Variants in NFKBIZ observed in about 807,000 individuals in gnomAD.
NFKBIZ encodes the protein NF-kappa-B inhibitor zeta.
In NFKBIZ, 19 loss-of-function variants were observed where a neutral mutation model predicts 76.8. The ratio of observed to expected loss-of-function variants is 0.25; its 90% CI spans 0.17 to 0.36. The LOEUF (loss-of-function observed/expected upper bound fraction) is 0.36, where lower values mean the gene tolerates loss of function less well. Among genes scored for constraint, NFKBIZ ranks in the 10% least tolerant of loss-of-function variants. The pLI is 1.00. For missense variants in NFKBIZ, 829 were observed against 910.9 expected, an observed-to-expected ratio of 0.91 and a Z score of 1.16; for synonymous variants, 368 against 354.8, an observed-to-expected ratio of 1.04 and a Z score of -0.42.
intron 2 of NFKBIZ, among the ~76,000 whole-genome samples, chr3:101,839,082 A>C (rs552201493): frequency 6.6e-6 from 1 of 152,212 alleles, no homozygotes; most frequent in Non-Finnish European, 1.5e-5. Context: ...TATATGTTAC[A>C]TATGATATAA....
chr3:101,852,948 C>T lies in NFKBIZ; in HGVS notation c.523C>T (p.Pro175Ser). The change falls in exon 4 of 12, where the codon CCT becomes TCT. Residue 175 changes from proline to serine, a missense_variant. By Grantham distance (74) the Pro-to-Ser change is moderately conservative. Transcript: ENST00000326172. Reference protein sequence around the residue: ...RKGPDSLSDGPACKRPALLHS... With the variant: ...RKGPDSLSDGSACKRPALLHS... Reference sequence around the variant, plus strand: ...AGGGCCCGATTCGTTGTCTGATGGACCTGCTTGCAAAAGGCCAGCTCTGTT... The same window carrying T: ...AGGGCCCGATTCGTTGTCTGATGGATCTGCTTGCAAAAGGCCAGCTCTGTT... 6.2e-7 allele frequency: 1 copy of T among 1,614,144 alleles called. No individual in the cohort carries two copies. The highest frequency in any genetic ancestry group is 8.5e-7 in the Non-Finnish European group (1 of 1,180,036).
chr3:101,855,773 T>G lies in NFKBIZ; in HGVS notation c.1695T>G (p.Ala565=), dbSNP rs1429194225. ...ACTGTGCAGTCATAGCCCACAATGC[T>G]GTGGTCCATGAACTCCAGAGAAATC... The part of the protein sequence containing the change: ...PLHCAVIAHN[A]VVHELQRNQQ... The change falls in exon 9 of 12, where the codon GCT becomes GCG. Residue 565 remains alanine (A), a synonymous_variant. Transcript: ENST00000326172. The G allele has an allele frequency of 6.2e-7, 1 of 1,613,374 alleles. No homozygotes were observed. Among genetic ancestry groups the G allele is most frequent in the Non-Finnish European group, 8.5e-7 (1 of 1,179,792 alleles).
intron 2 of NFKBIZ, among the ~76,000 whole-genome samples, chr3:101,835,097 G>A (rs1233332414): frequency 6.6e-6 from 1 of 152,182 alleles, no homozygotes; most frequent in Non-Finnish European, 1.5e-5. Context: ...GTTGTGCTAG[G>A]CATCTCATGA....
rs575869651 is a variant in NFKBIZ, at chr3:101,831,683, A to G, written c.-12+1995A>G. 2.0e-5 allele frequency among the ~76,000 whole-genome samples: 3 copies of G among 147,318 alleles called. No individual in the cohort carries two copies. In the Admixed American group the frequency reaches 2.1e-4, roughly 10 times the overall value. On this transcript the variant is annotated intron_variant, in intron 2 of 12. Coordinates refer to the NFKBIZ transcript ENST00000394054. ...GATACAGAATCTCCCTCTGTCGCCC[A>G]TGGTTGGAGTGCAGTAGCCCCTTCT... is the stretch of plus-strand genomic sequence containing the variant.
chr3:101,843,434 C>T (rs1291982440), intron 2 of NFKBIZ, among the ~76,000 whole-genome samples: 1 of 152,018 alleles, frequency 6.6e-6, no homozygotes, highest in African/African-American at 2.4e-5. Context: ...CAGAGTGAAA[C>T]CCTGTCTCTT....
rs1255020548 is a variant in NFKBIZ, at chr3:101,849,691, C to A, written c.63C>A (p.Gly21=). 1 of 1,388,420 alleles carries A rather than the reference C, an allele frequency of 7.2e-7. No homozygotes were observed. The highest frequency in any genetic ancestry group is 1.6e-5 in the South Asian group (1 of 61,762). The allele number at this position is 1,388,420 out of a possible 1,614,324, so 86.0% of individuals were successfully genotyped here. Residue 21 remains glycine (G), a synonymous_variant, in exon 1 of 12, where the codon GGC becomes GGA. Transcript: ENST00000326172. ...RGGEGLRDAA[G]GCGLMTSPLN... is the part of the protein sequence containing the mutation. The stretch of plus-strand genomic sequence containing the variant: ...GAGAGGGGCTGCGGGACGCGGCGGG[C>A]GGCTGCGGCCTCATGACCAGCCCGC...
At chr3:101,855,302 C>T in intron 7 of NFKBIZ, 93 bp from the exon 8 acceptor site, 2 of 1,603,160 alleles carry the variant, frequency 1.2e-6, no homozygotes, top group Non-Finnish European at 1.7e-6. Context: ...TTGCAATGAT[C>T]TATTTTGAGT....
At chr3:101,837,514 GA>G (rs1560083096) in intron 2 of NFKBIZ, among the ~76,000 whole-genome samples, 5 of 141,506 alleles carry the variant, frequency 3.5e-5, no homozygotes, top group South Asian at 4.4e-4. Context: ...AAAAAGAAAA[GA>G]AAAAAGAAAA....
chr3:101,856,053 A>AT, intron 9 of NFKBIZ, 151 bp downstream of exon 9: 2 of 649,304 alleles, frequency 3.1e-6, no homozygotes, highest in Non-Finnish European at 4.8e-6. Context: ...AGAAGCCCAG[A>AT]ATTTTTTTTT....
At chr3:101,850,200 T>C (rs1186525225) in intron 1 of NFKBIZ, 2 of 370,818 alleles carry the variant, frequency 5.4e-6, no homozygotes, top group East Asian at 8.3e-5. Context: ...AGGAGATCGC[T>C]CGCTCTCTAA....
chr3:101,834,105 G>A (rs1009687166), intron 2 of NFKBIZ, among the ~76,000 whole-genome samples: 1 of 152,172 alleles, frequency 6.6e-6, no homozygotes, highest in Non-Finnish European at 1.5e-5. Context: ...CCCAATCAGA[G>A]TGCAGATAAG....
rs1942913364 is a variant in NFKBIZ at position 101,849,560 on chromosome 3, C to T, written c.-69C>T. On this transcript the variant is annotated 5_prime_UTR_variant, in exon 1 of 12. Coordinates refer to ENST00000326172, the MANE Select transcript of NFKBIZ (RefSeq NM_031419.4). ...CCGCCGACAGCTCCCTGAGCCAGCC[C>T]GGGAGGCAGCCGCGCGCAGCGAGCC... is the stretch of plus-strand genomic sequence containing the variant. The T allele has an allele frequency of 3.9e-6, 5 of 1,268,266 alleles. No individual in the cohort carries two copies. In the East Asian group the frequency reaches 9.6e-5, roughly 24 times the overall value. The allele number at this position is 1,268,266 out of a possible 1,614,324, so 78.6% of individuals were successfully genotyped here. A position where few individuals can be genotyped will look rare whatever the true frequency, so the allele number is the denominator to read the frequency against.
chr3:101,849,040 C>T, upstream of NFKBIZ: 1 of 152,658 alleles, frequency 6.6e-6, no homozygotes, highest in Non-Finnish European at 1.5e-5. Flanking sequence ...CAGAGGGGTG[C>T]GGGGCGCGCT....
chr3:101,853,921 G>A, intron 5 of NFKBIZ, 58 bp downstream of exon 5: 4 of 1,522,012 alleles, frequency 2.6e-6, no homozygotes, highest in Non-Finnish European at 3.6e-6. Flanking sequence ...TTGGACTAGT[G>A]AGCATATAAT....
rs536323460 is a variant in NFKBIZ at position 101,853,392 on chromosome 3, A to G, written c.866A>G (p.Tyr289Cys). The change falls in exon 5 of 12, where the codon TAT (tyrosine) becomes TGT (cysteine). Residue 289 changes from tyrosine to cysteine, a missense_variant. Tyr to Cys is a radical substitution (Grantham distance 194). Coordinates refer to ENST00000326172, the MANE Select transcript of NFKBIZ (RefSeq NM_031419.4). ...QMIDQASLYQ[Y>C]SPQNQHVEQQ... ...ATAGACCAGGCTTCCCTGTACCAGT[A>G]TTCTCCACAGAACCAGCATGTAGAG... 1.9e-6 allele frequency: 3 copies of G among 1,614,122 alleles called. No individual in the cohort carries two copies. Among genetic ancestry groups the G allele is most frequent in the Non-Finnish European group, 2.5e-6 (3 of 1,180,020 alleles).
At chr3:101,846,717 A>T (rs1347400796), upstream of NFKBIZ, among the ~76,000 whole-genome samples, 2 of 152,218 alleles carry the variant, frequency 1.3e-5, no homozygotes, top group Admixed American at 1.3e-4. Context: ...TAGAAAACAA[A>T]ATTCAAATAG....
At chr3:101,828,376 G>A (rs962326310) in intron 1 of NFKBIZ, among the ~76,000 whole-genome samples, 7 of 152,108 alleles carry the variant, frequency 4.6e-5, no homozygotes, top group Non-Finnish European at 1.0e-4. Flanking sequence ...GGATGTTTTT[G>A]TAGTTTAGTA....
chr3:101,841,871 A>G (rs1039563143), intron 2 of NFKBIZ, among the ~76,000 whole-genome samples: 4 of 152,208 alleles, frequency 2.6e-5, no homozygotes, highest in African/African-American at 9.7e-5. Flanking sequence ...GGGCCAAAGT[A>G]TTTGTTTTGA....
In NFKBIZ at chr3:101,853,519, A is replaced by C. The variant is rs1489909837; in HGVS notation, c.993A>C (p.Glu331Asp). ...AYEPNLFDGP[E>D]SQFCPNQSLV... ...AACCAAACCTCTTTGATGGTCCAGA[A>C]TCACAGTTTTGCCCAAACCAAAGCT... is the stretch of plus-strand genomic sequence containing the variant. Residue 331 changes from glutamate to aspartate, a missense_variant, in exon 5 of 12, where the codon GAA (glutamate) becomes GAC (aspartate). Glu to Asp is a conservative substitution (Grantham distance 45). Around this residue, in one of 4 missense-constraint regions of NFKBIZ, gnomAD observed 371 missense variants for 332.3 expected, o/e 1.12. Coordinates refer to ENST00000326172, the MANE Select transcript of NFKBIZ (RefSeq NM_031419.4). 6.2e-7 allele frequency: 1 copy of C among 1,614,118 alleles called. No homozygotes were observed. Among genetic ancestry groups the C allele is most frequent in the African/African-American group, 1.3e-5 (1 of 74,936 alleles).
Sources: gnomAD v4.1 joint callset for allele counts (sites outside exome capture counted in the v4.1 genomes callset) on GRCh38, gnomAD v4.1.1 for gene constraint, gnomAD v4.1.1 regional missense constraint, MANE v1.5 for transcripts, NCBI Gene and HGNC (gene_info 2026-07-23, HGNC 2026-07-21) for gene names.